PCCA: variants seen among roughly 807,000 people sequenced by gnomAD.
PCCA encodes propionyl-CoA carboxylase subunit alpha, also known as propionyl-CoA carboxylase alpha chain, mitochondrial.
PCCA carries 74 observed loss-of-function variants against 101.3 expected under a neutral mutation model. The ratio of observed to expected loss-of-function variants is 0.73; its 90% CI spans 0.61 to 0.89. PCCA has a LOEUF of 0.89. PCCA is among the 40% of genes least tolerant of loss of function. The pLI is 0.00. For missense variants in PCCA, 891 were observed against 907.0 expected (o/e 0.98, Z 0.23); for synonymous variants, 294 against 313.6 (o/e 0.94, Z 0.66).
At chr13:100,174,301 A>T (rs914936330) in intron 6 of PCCA, among the ~76,000 whole-genome samples, 6 of 151,920 alleles carry the variant, frequency 3.9e-5, no homozygotes, top group Non-Finnish European at 8.8e-5. Flanking sequence ...GGGTTCTAAA[A>T]AGCTCGAGTT....
chr13:100,325,812 G>A (rs1053451655), intron 16 of PCCA, among the ~76,000 whole-genome samples: 1 of 152,104 alleles, frequency 6.6e-6, no homozygotes, highest in Non-Finnish European at 1.5e-5. Flanking sequence ...CCTAAAGTCT[G>A]GAAGTACTTT....
intron 12 of PCCA, among the ~76,000 whole-genome samples, chr13:100,290,143 A>G (rs2065015421): frequency 6.6e-6 from 1 of 151,962 alleles, no homozygotes; most frequent in African/African-American, 2.4e-5. Flanking sequence ...TGTCATTCTG[A>G]TTTCTTTCCC....
chr13:100,090,290 G>A (rs2046160361), intron 1 of PCCA, among the ~76,000 whole-genome samples: 1 of 152,152 alleles, frequency 6.6e-6, no homozygotes, highest in Admixed American at 6.5e-5. Flanking sequence ...TGTTTGTTTT[G>A]TGTCCAATTC....
chr13:100,126,295 T>A (rs934723898), intron 4 of PCCA, among the ~76,000 whole-genome samples: 1 of 152,158 alleles, frequency 6.6e-6, no homozygotes, highest in African/African-American at 2.4e-5. Flanking sequence ...CTTTTTTTTT[T>A]AACAGAGTCA....
intron 8 of PCCA, among the ~76,000 whole-genome samples, chr13:100,246,982 C>T (rs1056245426): frequency 2.0e-5 from 3 of 151,006 alleles, no homozygotes; most frequent in Non-Finnish European, 4.4e-5. Context: ...GATCTTGGCT[C>T]AATGCAACCT....
At chr13:100,135,699 A>G (rs2051076992) in intron 4 of PCCA, among the ~76,000 whole-genome samples, 1 of 151,974 alleles carries the variant, frequency 6.6e-6, no homozygotes, top group South Asian at 2.1e-4. Context: ...TATGAAGAGG[A>G]AGAGGAGTAG....
intron 19 of PCCA, among the ~76,000 whole-genome samples, chr13:100,384,204 T>G (rs996247044): frequency 6.6e-6 from 1 of 152,196 alleles, no homozygotes; most frequent in Admixed American, 6.5e-5. Flanking sequence ...TTTTGTAGTT[T>G]AAGTAGAGAC....
Position 100,530,243 on chromosome 13 carries a change from C to G in PCCA, c.*77C>G. The G allele has an allele frequency of 2.6e-6, 3 of 1,168,690 alleles. No individual in the cohort carries two copies. The highest frequency in any genetic ancestry group is 3.9e-6 in the Non-Finnish European group (3 of 778,640). The allele number at this position is 1,168,690 out of a possible 1,614,324, so 72.4% of individuals were successfully genotyped here. On this transcript the variant is annotated 3_prime_UTR_variant, in exon 24 of 24. Transcript: ENST00000376285. Reference sequence around the variant, plus strand: ...TGCTTTCACACACAATTGATTCAAGCATTATACAGGAACACCCCTGTGCAG... The same window carrying G: ...TGCTTTCACACACAATTGATTCAAGGATTATACAGGAACACCCCTGTGCAG...
At chr13:100,497,295 T>C (rs996203418) in intron 21 of PCCA, among the ~76,000 whole-genome samples, 9 of 152,116 alleles carry the variant, frequency 5.9e-5, no homozygotes, top group African/African-American at 2.2e-4. Flanking sequence ...GGGTGAAAAT[T>C]AGTGAAAAAT....
chr13:100,278,909 GA>G (rs896641245), intron 12 of PCCA, among the ~76,000 whole-genome samples: 17 of 151,836 alleles, frequency 1.1e-4, no homozygotes, highest in South Asian at 8.3e-4. Flanking sequence ...AATATTTCAA[GA>G]AAAAAAATCA....
At chr13:100,313,957 C>G (rs1050815320) in intron 16 of PCCA, among the ~76,000 whole-genome samples, 7 of 151,694 alleles carry the variant, frequency 4.6e-5, no homozygotes, top group African/African-American at 1.7e-4. Context: ...GTTTTTTAAT[C>G]CCATCTGTGG....
intron 7 of PCCA, among the ~76,000 whole-genome samples, chr13:100,210,937 A>G (rs931609709): frequency 6.6e-6 from 1 of 152,240 alleles, no homozygotes; most frequent in Non-Finnish European, 1.5e-5. Context: ...GTTACAAGGA[A>G]GAGGTGTTCC....
At chr13:100,481,862 G>A (rs1346740043) in intron 21 of PCCA, among the ~76,000 whole-genome samples, 2 of 152,178 alleles carry the variant, frequency 1.3e-5, no homozygotes, top group African/African-American at 4.8e-5. Flanking sequence ...TTGGATAAGG[G>A]GGGACTACTG....
intron 4 of PCCA, among the ~76,000 whole-genome samples, chr13:100,124,246 A>G (rs1012533571): frequency 2.0e-5 from 3 of 152,208 alleles, no homozygotes; most frequent in Non-Finnish European, 4.4e-5. Context: ...TATCAACAGA[A>G]TCATTCAACC....
At chr13:100,495,734 C>T (rs2085227577) in intron 21 of PCCA, among the ~76,000 whole-genome samples, 1 of 152,210 alleles carries the variant, frequency 6.6e-6, no homozygotes, top group Non-Finnish European at 1.5e-5. Flanking sequence ...AGATTTTTCT[C>T]ACTACCCTGA....
chr13:100,521,667 A>T (rs1034614662), intron 22 of PCCA, among the ~76,000 whole-genome samples: 1 of 152,206 alleles, frequency 6.6e-6, no homozygotes, highest in Non-Finnish European at 1.5e-5. Flanking sequence ...TTTTCACTCA[A>T]TCTGAGATGC....
intron 19 of PCCA, among the ~76,000 whole-genome samples, chr13:100,395,043 A>T (rs2076980074): frequency 6.6e-6 from 1 of 152,198 alleles, no homozygotes; most frequent in African/African-American, 2.4e-5. Context: ...ACTCATGGGC[A>T]CAGGTTTGCA....
chr13:100,476,257 TA>T (rs529700396), intron 21 of PCCA, among the ~76,000 whole-genome samples: 60 of 152,372 alleles, frequency 3.9e-4, no homozygotes, highest in Non-Finnish European at 6.9e-4. Context: ...TAATATTTTT[TA>T]TACATTACTG....
At chr13:100,162,204 G>A (rs771379939) in intron 6 of PCCA, among the ~76,000 whole-genome samples, 30 of 152,110 alleles carry the variant, frequency 2.0e-4, no homozygotes, top group Non-Finnish European at 3.8e-4. Context: ...TATATGAAAA[G>A]AAGTGGCATA....
Sources: allele counts gnomAD v4.1 joint callset (sites outside exome capture counted in the v4.1 genomes callset), GRCh38; gene constraint gnomAD v4.1.1; transcripts MANE v1.5; gene names NCBI Gene and HGNC (gene_info 2026-07-23, HGNC 2026-07-21).